The following ANK2 variants were observed in gnomAD, a reference collection of about 807,000 sequenced individuals.
ANK2 encodes the protein ankyrin 2.
In ANK2, 83 loss-of-function variants were observed where a neutral mutation model predicts 360.5. The ratio of observed to expected loss-of-function variants is 0.23; its 90% CI spans 0.19 to 0.28. The LOEUF is 0.28. ANK2 is among the 10% of genes least tolerant of loss of function. The pLI is 1.00. For missense variants in ANK2, 4,201 were observed against 4,795.7 expected (o/e 0.88, Z 3.66); for synonymous variants, 1,740 against 1,759.5 (o/e 0.99, Z 0.28).
intron 4 of ANK2, among the ~76,000 whole-genome samples, chr4:113,221,658 C>CAAAAAA (rs60808406): frequency 4.7e-5 from 6 of 127,892 alleles, no homozygotes; most frequent in East Asian, 2.3e-4. Context: ...GACTCCACTT[C>CAAAAAA]AAAAAAAAAA....
chr4:112,749,186 C>T, the ANK2 span, among the ~76,000 whole-genome samples: 1 of 152,210 alleles, frequency 6.6e-6, no homozygotes, highest in South Asian at 2.1e-4. Flanking sequence ...AGGCGTGAGC[C>T]ACCGCGCCTG....
chr4:112,954,229 C>CCCTT (rs1162519296), intron 2 of ANK2, among the ~76,000 whole-genome samples: 2,522 of 141,438 alleles, frequency 0.018, 66 homozygotes, highest in African/African-American at 0.056. Flanking sequence ...CTCCCTCCCT[C>CCCTT]CCTTCCTTCC....
At chr4:113,001,992 C>T (rs2050870178) in intron 2 of ANK2, among the ~76,000 whole-genome samples, 1 of 150,048 alleles carries the variant, frequency 6.7e-6, no homozygotes. Context: ...AAGCATTGCT[C>T]ATCCGTTTCT....
In ANK2 at chr4:113,057,106, T is replaced by G. The variant is rs558679588; in HGVS notation, c.84+7294T>G. Among the ~76,000 whole-genome samples the G allele has an allele frequency of 1.3e-4, 20 of 152,270 alleles. 1 individual carries two copies. The South Asian group carries it at 4.1e-3, about 32-fold the overall frequency. ...GTTAGGTGCTATGGCATGGCTAGGCTAAAAGCCAATGATTGACACTTACAT... is the reference window on the plus strand; with the variant it reads ...GTTAGGTGCTATGGCATGGCTAGGCGAAAAGCCAATGATTGACACTTACAT... On this transcript the variant is annotated intron_variant, in intron 1 of 45. Coordinates refer to ENST00000357077, the MANE Select transcript of ANK2 (RefSeq NM_001148.6).
chr4:113,033,786 G>C (rs145714148), intron 2 of ANK2: 1 of 151,880 alleles, frequency 6.6e-6, no homozygotes, highest in Admixed American at 6.6e-5. Flanking sequence ...ACTAGCAGTC[G>C]ACTCCCATAT....
intron 2 of ANK2, among the ~76,000 whole-genome samples, chr4:112,928,353 TATG>T (rs2092812194): frequency 6.6e-6 from 1 of 151,652 alleles, no homozygotes; most frequent in African/African-American, 2.4e-5. Flanking sequence ...TAAAAAATAG[TATG>T]ATACTGTGGT....
intron 2 of ANK2, among the ~76,000 whole-genome samples, chr4:113,039,151 T>C (rs1249815661): frequency 1.3e-5 from 2 of 152,090 alleles, no homozygotes; most frequent in African/African-American, 4.8e-5. Flanking sequence ...ATGGAAGGAA[T>C]TTTAGTGGTC....
At chr4:112,819,465 T>G (rs1301511279) in intron 1 of ANK2, among the ~76,000 whole-genome samples, 3 of 152,146 alleles carry the variant, frequency 2.0e-5, no homozygotes, top group African/African-American at 7.2e-5. Flanking sequence ...TGAAGAAACT[T>G]TTGGGTGAGA....
chr4:113,241,555 G>T (rs1399674703), intron 8 of ANK2, among the ~76,000 whole-genome samples: 28 of 152,154 alleles, frequency 1.8e-4, no homozygotes, highest in Non-Finnish European at 1.5e-5. Flanking sequence ...GCCCAGGCTG[G>T]TCTTGAATTC....
intron 2 of ANK2, among the ~76,000 whole-genome samples, chr4:113,001,610 C>T (rs537055336): frequency 6.6e-6 from 1 of 152,148 alleles, no homozygotes; most frequent in African/African-American, 2.4e-5. Flanking sequence ...AGTGACCCCT[C>T]ATTCTTTATG....
chr4:112,808,109 G>A, the ANK2 span, among the ~76,000 whole-genome samples: 2 of 151,954 alleles, frequency 1.3e-5, no homozygotes, highest in Admixed American at 1.3e-4. Flanking sequence ...CAATAGTGAA[G>A]AGTACTGCCA....
Position 113,093,654 on chromosome 4 carries a change from A to C in ANK2, c.84+43842A>C, listed in dbSNP as rs188420536. On this transcript the variant is annotated intron_variant, in intron 1 of 45. Transcript: ENST00000357077. ...CACGCCCAGCTAATTTGCTTTTTGA[A>C]ACTCTGTTTATTACGCAATAATGCC... is the stretch of plus-strand genomic sequence containing the variant. Among the ~76,000 whole-genome samples, 4 of 152,228 alleles carry C rather than the reference A, an allele frequency of 2.6e-5. No individual in the cohort carries two copies. In the East Asian group the frequency reaches 7.7e-4, roughly 29 times the overall value.
rs555243139 is a variant in ANK2, at chr4:113,139,340, C to A, written c.85-35076C>A. The stretch of plus-strand genomic sequence containing the variant: ...CAGATTATCTCGATCAGCTGGTTGC[C>A]AGATGGAAACTTACTACAAGTGTTT... On this transcript the variant is annotated intron_variant, in intron 1 of 45. Transcript: ENST00000357077. Among the ~76,000 whole-genome samples, 40 of 152,272 alleles carry A rather than the reference C, an allele frequency of 2.6e-4. 1 individual carries two copies. The highest frequency in any genetic ancestry group is 2.1e-3 in the Admixed American group (32 of 15,296).
At chr4:113,281,644 T>A (rs888384711) in intron 17 of ANK2, among the ~76,000 whole-genome samples, 3 of 152,200 alleles carry the variant, frequency 2.0e-5, no homozygotes, top group Non-Finnish European at 4.4e-5. Flanking sequence ...CCACTGTTTT[T>A]AATTTCTATC....
the ANK2 span, among the ~76,000 whole-genome samples, chr4:112,712,910 G>GAC: frequency 6.6e-6 from 1 of 151,982 alleles, no homozygotes; most frequent in Non-Finnish European, 1.5e-5. Flanking sequence ...AATGAGTACT[G>GAC]ACAAATACTT....
chr4:112,971,657 T>C (rs2039571748), intron 2 of ANK2, among the ~76,000 whole-genome samples: 1 of 152,176 alleles, frequency 6.6e-6, no homozygotes, highest in Admixed American at 6.5e-5. Context: ...AGAAATACAT[T>C]GGTTCCTTCA....
chr4:112,711,666 A>G, the ANK2 span, among the ~76,000 whole-genome samples: 4 of 151,472 alleles, frequency 2.6e-5, no homozygotes. Context: ...AAAATACAAA[A>G]AAAATTAGCC....
intron 22 of ANK2, among the ~76,000 whole-genome samples, chr4:113,295,697 A>G (rs1420130740): frequency 6.6e-6 from 1 of 152,206 alleles, no homozygotes; most frequent in African/African-American, 2.4e-5. Context: ...AGAAAACATA[A>G]CAGCATTTCT....
chr4:113,051,405 A>G (rs1471490099), intron 1 of ANK2, among the ~76,000 whole-genome samples: 1 of 152,182 alleles, frequency 6.6e-6, no homozygotes, highest in Non-Finnish European at 1.5e-5. Context: ...GCCATTTTAA[A>G]GTCTTTGAGG....
Sources: allele counts gnomAD v4.1 joint callset (sites outside exome capture counted in the v4.1 genomes callset), GRCh38; gene constraint gnomAD v4.1.1; transcripts MANE v1.5; gene names NCBI Gene and HGNC (gene_info 2026-07-23, HGNC 2026-07-21).